JKAMP: variants seen among roughly 807,000 people sequenced by gnomAD.
JKAMP encodes JNK1/MAPK8 associated membrane protein.
A neutral mutation model predicts 40.2 loss-of-function variants in JKAMP; 20 were observed. The observed-to-expected ratio is 0.50, with a 90% CI of 0.35 to 0.72. The LOEUF (loss-of-function observed/expected upper bound fraction) is 0.72. Among genes scored for constraint, JKAMP ranks in the 30% least tolerant of loss-of-function variants. The probability of loss-of-function intolerance (pLI) is 0.01; values close to 1 mark genes in which losing one functional copy is unlikely to be tolerated. For missense variants in JKAMP, 276 were observed against 373.0 expected (o/e 0.74, Z 2.14); for synonymous variants, 138 against 131.6 (o/e 1.05, Z -0.33).
chr14:59,485,316 A>C (rs1890455437), intron 1 of JKAMP: 1 of 502,822 alleles, frequency 2.0e-6, no homozygotes, highest in Non-Finnish European at 3.3e-6. Flanking sequence ...ATTAATTTAG[A>C]ACATTGTGAT....
intron 6 of JKAMP, among the ~76,000 whole-genome samples, chr14:59,502,773 T>TTTTTTTTTTGTTTTTTTTTTTTTTTTTTG (rs796697193): frequency 9.7e-6 from 1 of 102,836 alleles, no homozygotes. Flanking sequence ...TTTTTTTTTT[T>TTTTTTTTTTGTTTTTTTTTTTTTTTTTTG]CGGAGTCTCA....
chr14:59,484,555 T>G lies in JKAMP; in HGVS notation c.-35T>G, dbSNP rs1403390241. 6.4e-7 allele frequency: 1 copy of G among 1,567,464 alleles called. No individual in the cohort carries two copies. The highest frequency in any genetic ancestry group is 2.4e-5 in the East Asian group (1 of 42,104). On this transcript the variant is annotated 5_prime_UTR_variant, in exon 1 of 7. Coordinates refer to ENST00000616435, the MANE Select transcript of JKAMP (RefSeq NM_016475.5). Reference sequence around the variant, plus strand: ...TCGGTGCAGCTGCCAGATCCGCTGATCTAGTGCTTCTCGAAAAAAACCTTC... The same window carrying G: ...TCGGTGCAGCTGCCAGATCCGCTGAGCTAGTGCTTCTCGAAAAAAACCTTC...
At chr14:59,500,597 A>C (rs1028382170) in intron 5 of JKAMP, among the ~76,000 whole-genome samples, 7 of 152,198 alleles carry the variant, frequency 4.6e-5, no homozygotes, top group Non-Finnish European at 4.4e-5. Context: ...CTAAAGATTA[A>C]TTAAAGCTGA....
intron 3 of JKAMP, among the ~76,000 whole-genome samples, chr14:59,494,121 G>C (rs1008264192): frequency 6.6e-6 from 1 of 150,964 alleles, no homozygotes; most frequent in Non-Finnish European, 1.5e-5. Context: ...AGAAAATTTG[G>C]GTGTGTGTGT....
At chr14:59,484,980 T>A in intron 1 of JKAMP, 1 of 1,570,426 alleles carries the variant, frequency 6.4e-7, no homozygotes, top group Non-Finnish European at 8.6e-7. Flanking sequence ...TGCTTCAACC[T>A]CAAACGTAGA....
intron 4 of JKAMP, among the ~76,000 whole-genome samples, chr14:59,495,550 A>G (rs935439071): frequency 5.9e-5 from 9 of 152,098 alleles, no homozygotes; most frequent in Non-Finnish European, 1.3e-4. Flanking sequence ...TTTCTCCCCA[A>G]ATAAGTGTAA....
At chr14:59,500,942 G>A (rs764034848) in intron 5 of JKAMP, 70 of 402,670 alleles carry the variant, frequency 1.7e-4, no homozygotes, top group Middle Eastern at 1.3e-3. Flanking sequence ...TATTCTCTAT[G>A]GCTGCTTTCC....
chr14:59,496,202 G>A (rs983995164), intron 4 of JKAMP, among the ~76,000 whole-genome samples: 5 of 151,916 alleles, frequency 3.3e-5, no homozygotes, highest in African/African-American at 4.8e-5. Context: ...CACTGTGCCC[G>A]GCCTCTCCCT....
intron 6 of JKAMP, among the ~76,000 whole-genome samples, 164 bp downstream of exon 6, chr14:59,501,431 G>A (rs1035145835): frequency 3.9e-5 from 6 of 152,120 alleles, no homozygotes; most frequent in African/African-American, 1.4e-4. Flanking sequence ...ATGAAAAGTT[G>A]TGTACTGGAC....
chr14:59,499,916 T>C (rs1442628419), intron 5 of JKAMP, among the ~76,000 whole-genome samples: 1 of 152,200 alleles, frequency 6.6e-6, no homozygotes, highest in African/African-American at 2.4e-5. Context: ...CTGGCTACCC[T>C]CTCTGTCTTT....
At chr14:59,492,043 G>C (rs183311829) in intron 3 of JKAMP, among the ~76,000 whole-genome samples, 2 of 152,208 alleles carry the variant, frequency 1.3e-5, no homozygotes, top group Admixed American at 6.5e-5. Flanking sequence ...AATAGCACTA[G>C]GACTTATTGG....
chr14:59,498,789 T>C lies in JKAMP; in HGVS notation c.521T>C (p.Leu174Pro). ...CLVLMMLLRP[L>P]LVKKIACGLG... is the part of the protein sequence containing the mutation. ...GTATTAATGATGCTGCTCCGACCTC[T>C]TCTGGTGAAGAAGATTGCATGTGGG... Residue 174 changes from leucine (L) to proline (P), a missense_variant, in exon 5 of 7, where the codon CTT (leucine) becomes CCT (proline). Physicochemically the swap from Leu to Pro is moderately conservative, Grantham distance 98. Transcript: ENST00000616435. 1 of 1,608,786 alleles carries C rather than the reference T, an allele frequency of 6.2e-7. No individual in the cohort carries two copies.
At chr14:59,491,867 G>A (rs1044979190) in intron 3 of JKAMP, among the ~76,000 whole-genome samples, 1 of 152,252 alleles carries the variant, frequency 6.6e-6, no homozygotes, top group South Asian at 2.1e-4. Context: ...CCTCTGCTAA[G>A]ACTAGACCCT....
chr14:59,490,063 C>T (rs60259379), intron 3 of JKAMP, among the ~76,000 whole-genome samples: 9,428 of 152,080 alleles, frequency 0.062, 389 homozygotes, highest in Middle Eastern at 0.11. Context: ...GCTGGGACTA[C>T]AGGCGTGTAC....
At chr14:59,500,997 G>A (rs1224442367) in intron 5 of JKAMP, 194 bp from the exon 6 acceptor site, 20 of 528,514 alleles carry the variant, frequency 3.8e-5, no homozygotes, top group Non-Finnish European at 6.0e-5. Flanking sequence ...GAAATGCAGG[G>A]CTGAAACTAT....
chr14:59,484,921 T>C, intron 1 of JKAMP: 1 of 1,455,826 alleles, frequency 6.9e-7, no homozygotes, highest in Non-Finnish European at 9.0e-7. Context: ...CGGGTGATAG[T>C]GCAGAAAAAA....
In JKAMP at chr14:59,503,874, C is replaced by T; in HGVS notation, c.738C>T (p.Val246=). ...TATAGAACTGCTATGATCTTCTGGT[C>T]AGAAAGAAAAGACTTATTGTTCTCT... ...SEIENCYDLL[V]RKKRLIVLFS... Residue 246 remains valine (V), a synonymous_variant, in exon 7 of 7, where the codon GTC becomes GTT. Transcript: ENST00000616435. The T allele has an allele frequency of 6.2e-7, 1 of 1,610,958 alleles. No homozygotes were observed. The highest frequency in any genetic ancestry group is 8.5e-7 in the Non-Finnish European group (1 of 1,177,254).
intron 1 of JKAMP, chr14:59,485,114 T>G: frequency 6.3e-7 from 1 of 1,598,404 alleles, no homozygotes; most frequent in Non-Finnish European, 8.5e-7. Context: ...TGGGTTTTGC[T>G]TAGTAAGTGA....
intron 3 of JKAMP, among the ~76,000 whole-genome samples, chr14:59,489,795 A>G (rs1322139477): frequency 1.3e-5 from 2 of 152,178 alleles, no homozygotes; most frequent in Non-Finnish European, 2.9e-5. Flanking sequence ...GGAAGCTTAC[A>G]ATCATGGCAG....
Sources: gnomAD v4.1 joint callset for allele counts (sites outside exome capture counted in the v4.1 genomes callset) on GRCh38, gnomAD v4.1.1 for gene constraint, MANE v1.5 for transcripts, NCBI Gene and HGNC (gene_info 2026-07-23, HGNC 2026-07-21) for gene names.